SV2C: variants seen among roughly 807,000 people sequenced by gnomAD.
SV2C encodes the protein solute carrier family 22 member B3.
A neutral mutation model predicts 79.7 loss-of-function variants in SV2C; 49 were observed. The ratio of observed to expected loss-of-function variants is 0.61; its 90% CI spans 0.49 to 0.78. The LOEUF (loss-of-function observed/expected upper bound fraction) is 0.78, where lower values mean the gene tolerates loss of function less well. Ranked by LOEUF, SV2C falls within the 30% of genes least tolerant of loss-of-function variation. SV2C has a pLI of 0.00. For synonymous variants in SV2C, 334 were observed against 333.2 expected, an observed-to-expected ratio of 1.00 and a Z score of -0.03; for missense variants, 833 against 912.9, an observed-to-expected ratio of 0.91 and a Z score of 1.13.
Position 76,098,554 on chromosome 5 carries a change from T to G in SV2C, c.-102+15042T>G, listed in dbSNP as rs138704068. ...CTATCCTCATTTATTGATAAATACA[T>G]TACAGCTAATTGTTTTCCCAAACAT... On this transcript the variant is annotated intron_variant, in intron 1 of 12. Coordinates refer to ENST00000502798, the MANE Select transcript of SV2C (RefSeq NM_014979.4). Among the ~76,000 whole-genome samples the G allele has an allele frequency of 7.2e-4, 109 of 152,334 alleles. No homozygotes were observed. The East Asian group carries it at 8.3e-3, about 12-fold the overall frequency.
At chr5:76,092,006 T>A (rs1405180626) in intron 1 of SV2C, among the ~76,000 whole-genome samples, 1 of 152,164 alleles carries the variant, frequency 6.6e-6, no homozygotes, top group Non-Finnish European at 1.5e-5. Flanking sequence ...TGAACCTACA[T>A]GGTAAAATGG....
the SV2C span, among the ~76,000 whole-genome samples, chr5:75,932,472 T>G: frequency 6.6e-6 from 1 of 152,210 alleles, no homozygotes; most frequent in Non-Finnish European, 1.5e-5. Flanking sequence ...GCTAACAGCC[T>G]TCAGAGCTGA....
upstream of SV2C, among the ~76,000 whole-genome samples, chr5:76,081,125 C>T (rs1405985400): frequency 6.6e-6 from 1 of 152,104 alleles, no homozygotes; most frequent in African/African-American, 2.4e-5. Context: ...CATCAAGACA[C>T]GAAAATCCAG....
In SV2C at chr5:76,339,600, G is replaced by T. The variant is rs559647888; in HGVS notation, c.2001-13530G>T. On this transcript the variant is annotated intron_variant, in intron 12 of 12. Transcript: ENST00000322285. ...GTGGTGGTGGGCACCTGTAGTCCCA[G>T]CTACTCAGGAGGATGAGGCAGGAGA... is the stretch of plus-strand genomic sequence containing the variant. Among the ~76,000 whole-genome samples the T allele has an allele frequency of 2.2e-4, 34 of 151,972 alleles. 1 individual carries two copies. The highest frequency in any genetic ancestry group is 8.2e-4 in the African/African-American group (34 of 41,478).
At chr5:75,891,053 C>A in the SV2C span, among the ~76,000 whole-genome samples, 2 of 152,066 alleles carry the variant, frequency 1.3e-5, no homozygotes, top group Non-Finnish European at 2.9e-5. Flanking sequence ...TTGTTCTTAA[C>A]CACACCATGT....
At chr5:76,026,310 G>C in the SV2C span, among the ~76,000 whole-genome samples, 1 of 151,676 alleles carries the variant, frequency 6.6e-6, no homozygotes, top group Non-Finnish European at 1.5e-5. Context: ...GTGTGCAAAT[G>C]AAGACTTTTT....
intron 1 of SV2C, among the ~76,000 whole-genome samples, chr5:76,110,265 GA>G (rs1405582256): frequency 6.6e-6 from 1 of 151,670 alleles, no homozygotes. Context: ...AGAGGCAGCA[GA>G]AAAAAAAACT....
the SV2C span, among the ~76,000 whole-genome samples, chr5:75,943,213 G>A: frequency 6.6e-6 from 1 of 152,124 alleles, no homozygotes; most frequent in African/African-American, 2.4e-5. Context: ...TGGGTGAAGA[G>A]GTCTCAAGCT....
chr5:76,230,926 G>A (rs1745399706), intron 4 of SV2C, among the ~76,000 whole-genome samples: 1 of 152,194 alleles, frequency 6.6e-6, no homozygotes, highest in South Asian at 2.1e-4. Context: ...CGAAGCCTCA[G>A]TCCTGACACA....
intron 4 of SV2C, among the ~76,000 whole-genome samples, chr5:76,225,286 G>T (rs1014133942): frequency 7.9e-5 from 12 of 152,210 alleles, no homozygotes; most frequent in Non-Finnish European, 1.8e-4. Context: ...ACTGAGGCAT[G>T]CTTCCACTTG....
chr5:75,888,511 G>GA, the SV2C span, among the ~76,000 whole-genome samples: 1 of 151,802 alleles, frequency 6.6e-6, no homozygotes, highest in Non-Finnish European at 1.5e-5. Context: ...TTTACCTTGG[G>GA]CCTTTGCCTC....
At chr5:76,146,957 A>G (rs1749455357) in intron 2 of SV2C, among the ~76,000 whole-genome samples, 1 of 152,188 alleles carries the variant, frequency 6.6e-6, no homozygotes, top group Non-Finnish European at 1.5e-5. Context: ...AGGGACAAAT[A>G]TTGCCTATGA....
chr5:75,901,269 G>A, the SV2C span, among the ~76,000 whole-genome samples: 2 of 152,130 alleles, frequency 1.3e-5, no homozygotes, highest in African/African-American at 4.8e-5. Flanking sequence ...TTTTGGTGTG[G>A]ATGTCCTTTC....
intron 1 of SV2C, among the ~76,000 whole-genome samples, chr5:76,087,911 G>C (rs1747251549): frequency 6.6e-6 from 1 of 152,196 alleles, no homozygotes. Context: ...CATGGAGACA[G>C]TTATATATTT....
At position 76,191,915 on chromosome 5, in the gene SV2C, C is replaced by T. The variant is rs114243581; in HGVS notation, c.581-3004C>T. Among the ~76,000 whole-genome samples, 353 of 152,288 alleles carry T rather than the reference C, an allele frequency of 2.3e-3. 1 individual carries two copies. The highest frequency in any genetic ancestry group is 8.1e-3 in the African/African-American group (336 of 41,542). ...GTCACAGCCTGGCCTCTTTTAACAT[C>T]GCTTTCCTGGAATTGAATGGAAAGT... On this transcript the variant is annotated intron_variant, in intron 2 of 12. Coordinates refer to ENST00000502798, the MANE Select transcript of SV2C (RefSeq NM_014979.4).
chr5:75,985,802 G>A, the SV2C span, among the ~76,000 whole-genome samples: 3 of 151,906 alleles, frequency 2.0e-5, no homozygotes, highest in East Asian at 3.9e-4. Context: ...GCCCACATTA[G>A]TAGATAGAGA....
chr5:76,002,489 T>C, the SV2C span, among the ~76,000 whole-genome samples: 1 of 152,238 alleles, frequency 6.6e-6, no homozygotes, highest in Non-Finnish European at 1.5e-5. Context: ...TAAAATTGAT[T>C]GTGTTGATGG....
Position 76,325,827 on chromosome 5 carries a change from G to A in SV2C, c.*280G>A, listed in dbSNP as rs1367226836. The A allele has an allele frequency of 1.2e-5, 4 of 329,308 alleles. No individual in the cohort carries two copies. Among genetic ancestry groups the A allele is most frequent in the East Asian group, 6.0e-5 (1 of 16,530 alleles). 20.4% of individuals were successfully genotyped at this position (329,308 alleles called of 1,614,324 possible). ...GTGGAAGCATTTCTAAAATGCCCTA[G>A]GCAGCCAGGCTTCCCTGGGGTTCTG... is the stretch of plus-strand genomic sequence containing the variant. On this transcript the variant is annotated 3_prime_UTR_variant, in exon 13 of 13. Coordinates refer to ENST00000502798, the MANE Select transcript of SV2C (RefSeq NM_014979.4).
intron 2 of SV2C, among the ~76,000 whole-genome samples, chr5:76,148,609 C>A (rs575212552): frequency 3.7e-4 from 57 of 152,250 alleles, no homozygotes; most frequent in African/African-American, 1.3e-3. Context: ...ACCATCACAT[C>A]TGGCTAATTT....
Sources: gnomAD v4.1 joint callset for allele counts (sites outside exome capture counted in the v4.1 genomes callset) on GRCh38, gnomAD v4.1.1 for gene constraint, MANE v1.5 for transcripts, NCBI Gene and HGNC (gene_info 2026-07-23, HGNC 2026-07-21) for gene names.